CRAMP1: variants seen among roughly 807,000 people sequenced by gnomAD.
The protein encoded by CRAMP1 is protein cramped-like.
A neutral mutation model predicts 115.4 loss-of-function variants in CRAMP1; 50 were observed. The observed-to-expected ratio is 0.43, with a 90% CI of 0.35 to 0.55. The LOEUF is 0.55. Ranked by LOEUF, CRAMP1 falls within the 20% of genes least tolerant of loss-of-function variation. The pLI, the probability that CRAMP1 is intolerant of heterozygous loss-of-function variation, is 0.01. For synonymous variants in CRAMP1, 866 were observed against 745.4 expected (o/e 1.16, Z -2.64); for missense variants, 1,679 against 1,721.7 (o/e 0.98, Z 0.44).
chr16:1,619,889 C>T (rs915728075), intron 2 of CRAMP1, among the ~76,000 whole-genome samples: 3 of 152,280 alleles, frequency 2.0e-5, no homozygotes, highest in African/African-American at 7.2e-5. Context: ...GACCAGGGCT[C>T]TTGCAGGCAC....
intron 10 of CRAMP1, among the ~76,000 whole-genome samples, chr16:1,657,715 C>A (rs1036536323): frequency 6.6e-6 from 1 of 152,178 alleles, no homozygotes; most frequent in African/African-American, 2.4e-5. Context: ...GTGGAGCCGA[C>A]AGATGGGGTG....
At chr16:1,670,909 C>T (rs2036917237) in intron 20 of CRAMP1, 100 bp downstream of exon 20, 2 of 1,154,394 alleles carry the variant, frequency 1.7e-6, no homozygotes, top group Non-Finnish European at 2.5e-6. Context: ...GAGCTGTTTG[C>T]CAAGAGTAGA....
At chr16:1,636,908 T>C (rs2036592465) in intron 4 of CRAMP1, among the ~76,000 whole-genome samples, 1 of 152,158 alleles carries the variant, frequency 6.6e-6, no homozygotes, top group Non-Finnish European at 1.5e-5. Flanking sequence ...CAAATCAGGC[T>C]CTTTAAGGAG....
rs2036554357 is a variant in CRAMP1, at chr16:1,632,419, G to T, written c.694+54G>T. On this transcript the variant is annotated intron_variant, in intron 4 of 20. Coordinates refer to ENST00000397412, the MANE Select transcript of CRAMP1 (RefSeq NM_020825.4). ...GTGCCCACAGGCAGGGCCGGCTTCT[G>T]CTCAGAGCGCAGCTTCCAGCAAGCC... The T allele has an allele frequency of 2.0e-6, 3 of 1,516,648 alleles. No homozygotes were observed. In the Admixed American group the frequency reaches 6.3e-5, roughly 32 times the overall value. The allele number at this position is 1,516,648 out of a possible 1,614,324, so 93.9% of individuals were successfully genotyped here. A position where few individuals can be genotyped will look rare whatever the true frequency, so the allele number is the denominator to read the frequency against.
chr16:1,634,804 A>G (rs942863458), intron 4 of CRAMP1, among the ~76,000 whole-genome samples: 7 of 152,238 alleles, frequency 4.6e-5, no homozygotes, highest in Non-Finnish European at 1.0e-4. Context: ...CCACTAGGAC[A>G]CTGCGAAGTG....
At chr16:1,625,892 C>T (rs2036504088) in intron 2 of CRAMP1, 81 bp from the exon 3 acceptor site, 1 of 1,393,530 alleles carries the variant, frequency 7.2e-7, no homozygotes, top group African/African-American at 1.4e-5. Context: ...GGCAGTGGGC[C>T]CTTCCCTCCC....
chr16:1,653,155 A>C lies in CRAMP1; in HGVS notation c.1036A>C (p.Arg346=). 1 of 1,608,160 alleles carries C rather than the reference A, an allele frequency of 6.2e-7. No individual in the cohort carries two copies. The highest frequency in any genetic ancestry group is 8.5e-7 in the Non-Finnish European group (1 of 1,177,286). ...VQSLAQNPRL[R]MIVELHRKVS... is the part of the protein sequence containing the mutation. ...GAGCCTTGCCCAGAACCCACGCCTC[A>C]GGTAACATGGCCCTTGGCACGCAGA... The change falls in exon 8 of 21, where the codon AGG becomes CGG. Residue 346 remains arginine, a splice_region_variant and synonymous_variant. Coordinates refer to ENST00000397412, the MANE Select transcript of CRAMP1 (RefSeq NM_020825.4).
intron 6 of CRAMP1, among the ~76,000 whole-genome samples, chr16:1,643,813 G>A (rs553180777): frequency 7.9e-5 from 12 of 152,372 alleles, no homozygotes; most frequent in African/African-American, 1.7e-4. Flanking sequence ...TCCAGGCCGC[G>A]TGTTGGGCAT....
At chr16:1,673,845 GC>G (rs769640791) in intron 20 of CRAMP1, 35 bp from the exon 21 acceptor site, 1 of 1,609,622 alleles carries the variant, frequency 6.2e-7, no homozygotes, top group South Asian at 1.1e-5. Flanking sequence ...CCAGCAGGTC[GC>G]GGTGACTTGT....
chr16:1,673,857 T>A (rs2036944157), intron 20 of CRAMP1, 24 bp from the exon 21 acceptor site: 1 of 1,612,826 alleles, frequency 6.2e-7, no homozygotes, highest in Non-Finnish European at 8.5e-7. Flanking sequence ...GGTGACTTGT[T>A]CTTCCTGTCT....
At chr16:1,661,593 ATT>A (rs1307504814) in intron 11 of CRAMP1, among the ~76,000 whole-genome samples, 4 of 127,662 alleles carry the variant, frequency 3.1e-5, no homozygotes, top group African/African-American at 6.3e-5. Context: ...CTATGAAAGA[ATT>A]TTTTTTTTTT....
chr16:1,662,605 C>T lies in CRAMP1; in HGVS notation c.2529C>T (p.His843=), dbSNP rs375361520. 2.0e-4 allele frequency: 320 copies of T among 1,614,002 alleles called. 5 individuals carry two copies. In the South Asian group the frequency reaches 2.7e-3, roughly 14 times the overall value. Residue 843 remains histidine, a synonymous_variant, in exon 12 of 21, where the codon CAC becomes CAT. Coordinates refer to ENST00000397412, the MANE Select transcript of CRAMP1 (RefSeq NM_020825.4). The part of the protein sequence containing the change: ...VPTTLPPNSR[H]GKLFSPSKEA... ...CAACCTTGCCACCCAACAGCCGACA[C>T]GGGAAGCTCTTCTCTCCCAGTAAAG...
At chr16:1,670,096 C>T (rs1266234665) in intron 19 of CRAMP1, among the ~76,000 whole-genome samples, 2 of 151,828 alleles carry the variant, frequency 1.3e-5, no homozygotes, top group Admixed American at 6.6e-5. Flanking sequence ...GAGACCTTGT[C>T]TCTACAGAAA....
chr16:1,614,870 G>A lies in CRAMP1; in HGVS notation c.231G>A (p.Gln77=). The change falls in exon 2 of 21, where the codon CAG becomes CAA. Residue 77 remains glutamine (Q), a synonymous_variant. Coordinates refer to ENST00000397412, the MANE Select transcript of CRAMP1 (RefSeq NM_020825.4). The surrounding 1 kb of genome is among the most constrained non-coding windows in gnomAD (Gnocchi z 4.4). ...QAPSPPQGSP[Q]DQHHFLRSSV... ...CGTCCCCGCCGCAGGGCAGCCCCCA[G>A]GACCAGCACCACTTCCTCCGGTCCA... The A allele has an allele frequency of 7.5e-7, 1 of 1,329,182 alleles. No individual in the cohort carries two copies. The highest frequency in any genetic ancestry group is 9.6e-7 in the Non-Finnish European group (1 of 1,038,266). The allele number at this position is 1,329,182 out of a possible 1,614,324, so 82.3% of individuals were successfully genotyped here. A position where few individuals can be genotyped will look rare whatever the true frequency, so the allele number is the denominator to read the frequency against.
At chr16:1,630,288 A>T (rs1403586087) in intron 3 of CRAMP1, among the ~76,000 whole-genome samples, 6 of 152,022 alleles carry the variant, frequency 3.9e-5, no homozygotes, top group Non-Finnish European at 8.8e-5. Flanking sequence ...CGTAGCTAGG[A>T]CTACAGGCAT....
At chr16:1,650,715 T>G (rs2036715384) in intron 6 of CRAMP1, among the ~76,000 whole-genome samples, 3 of 152,266 alleles carry the variant, frequency 2.0e-5, no homozygotes, top group African/African-American at 7.2e-5. Flanking sequence ...CATAGACTGT[T>G]TCTTAGAAAT....
rs780359215 is a variant in CRAMP1 at position 1,669,141 on chromosome 16, G to A, written c.3475G>A (p.Asp1159Asn). 12 of 1,605,018 alleles carry A rather than the reference G, an allele frequency of 7.5e-6. No homozygotes were observed. The highest frequency in any genetic ancestry group is 1.3e-5 in the African/African-American group (1 of 74,500). The stretch of plus-strand genomic sequence containing the variant: ...CCAGTGGTACCCCAGTGACTCCACC[G>A]ACTCCTCGCTCAGCAGCCTGTTTGG... The part of the protein sequence containing the change: ...DPQWYPSDST[D>N]SSLSSLFASF... Residue 1159 changes from aspartate to asparagine, a missense_variant, in exon 19 of 21, where the codon GAC becomes AAC. Transcript: ENST00000397412. The surrounding 1 kb of genome is among the most constrained non-coding windows in gnomAD (Gnocchi z 4.6).
At position 1,672,320 on chromosome 16, in the gene CRAMP1, G is replaced by C. The variant is rs2142211255; in HGVS notation, c.3645+1511G>C. 6.6e-6 allele frequency among the ~76,000 whole-genome samples: 1 copy of C among 152,344 alleles called. No individual in the cohort carries two copies. The highest frequency in any genetic ancestry group is 2.1e-4 in the South Asian group (1 of 4,826). ...ATGCAAACGTGTTCACCTTCAGAAAGAGCAGATCAGCGTTTAGCATGAGAT... is the reference window on the plus strand; with the variant it reads ...ATGCAAACGTGTTCACCTTCAGAAACAGCAGATCAGCGTTTAGCATGAGAT... On this transcript the variant is annotated intron_variant, in intron 20 of 20. Coordinates refer to ENST00000397412, the MANE Select transcript of CRAMP1 (RefSeq NM_020825.4). This position sits in a 1 kb window ranked among gnomAD's most constrained non-coding sequence, Gnocchi z 4.9.
chr16:1,625,972 G>C lies in CRAMP1; in HGVS notation c.347-1G>C, dbSNP rs938921006. ...TCACTGTACGGTGCTTTCTCTCCAA[G>C]GAGCTGAAGGTGGTGGATCATCGTC... On this transcript the variant is annotated splice_acceptor_variant, in intron 2 of 20. Transcript: ENST00000397412. LOFTEE classifies it high-confidence loss of function. 2 of 1,551,560 alleles carry C rather than the reference G, an allele frequency of 1.3e-6. No individual in the cohort carries two copies. Among genetic ancestry groups the C allele is most frequent in the Non-Finnish European group, 1.7e-6 (2 of 1,146,958 alleles).
Sources: allele counts gnomAD v4.1 joint callset (sites outside exome capture counted in the v4.1 genomes callset), GRCh38; gene constraint gnomAD v4.1.1; non-coding constraint Gnocchi (gnomAD v3.1); transcripts MANE v1.5; gene names NCBI Gene and HGNC (gene_info 2026-07-23, HGNC 2026-07-21).